Variants in GPR39 observed in about 807,000 individuals in gnomAD.
The protein encoded by GPR39 is G protein-coupled receptor 39.
In GPR39, 23 loss-of-function variants were observed where a neutral mutation model predicts 18.4. The observed-to-expected ratio is 1.25, with a 90% CI of 0.90 to 1.77. The LOEUF is 1.77. Among genes scored for constraint, GPR39 ranks in the 40% most tolerant of loss-of-function variants. The probability of loss-of-function intolerance (pLI) is 0.00; values close to 1 mark genes in which losing one functional copy is unlikely to be tolerated. For missense variants in GPR39, 647 were observed against 602.4 expected (o/e 1.07, Z -0.78); for synonymous variants, 280 against 257.9 (o/e 1.09, Z -0.82).
chr2:132,537,268 G>A (rs772465636), intron 1 of GPR39, among the ~76,000 whole-genome samples: 1 of 152,120 alleles, frequency 6.6e-6, no homozygotes, highest in Non-Finnish European at 1.5e-5. Flanking sequence ...GTCCTGTGGT[G>A]ACTAAATCCC....
At chr2:132,574,960 G>A (rs1465549631) in intron 1 of GPR39, among the ~76,000 whole-genome samples, 2 of 152,128 alleles carry the variant, frequency 1.3e-5, no homozygotes, top group Non-Finnish European at 2.9e-5. Flanking sequence ...CCTCCTGAAA[G>A]CACCCATTAT....
chr2:132,499,773 G>T (rs576425665), intron 1 of GPR39, among the ~76,000 whole-genome samples: 1 of 152,154 alleles, frequency 6.6e-6, no homozygotes, highest in South Asian at 2.1e-4. Context: ...CCTTGTAGAA[G>T]ACTTTGATGT....
intron 1 of GPR39, among the ~76,000 whole-genome samples, chr2:132,616,214 T>C (rs1681331867): frequency 1.3e-5 from 2 of 152,164 alleles, no homozygotes; most frequent in African/African-American, 2.4e-5. Context: ...CCTGTGAGGT[T>C]GGTTGGTATC....
At chr2:132,576,899 T>A (rs1332962198) in intron 1 of GPR39, among the ~76,000 whole-genome samples, 2 of 152,214 alleles carry the variant, frequency 1.3e-5, no homozygotes, top group Non-Finnish European at 2.9e-5. Flanking sequence ...TTGTTTGGCA[T>A]GCTTATCAAA....
chr2:132,569,411 G>C (rs1484119686), intron 1 of GPR39, among the ~76,000 whole-genome samples: 1 of 152,074 alleles, frequency 6.6e-6, no homozygotes, highest in Admixed American at 6.6e-5. Context: ...TGATGGATGC[G>C]TGGAGCCCAC....
At chr2:132,621,572 G>C (rs932992612) in intron 1 of GPR39, among the ~76,000 whole-genome samples, 2 of 152,200 alleles carry the variant, frequency 1.3e-5, no homozygotes, top group African/African-American at 4.8e-5. Context: ...TCACCTACAG[G>C]CCTGGGCAAA....
intron 1 of GPR39, among the ~76,000 whole-genome samples, chr2:132,572,038 G>A (rs981159946): frequency 5.3e-5 from 8 of 152,098 alleles, no homozygotes; most frequent in African/African-American, 1.9e-4. Context: ...CTGTGGTCTG[G>A]GACTCTCCCA....
chr2:132,484,460 A>G (rs1211790903), intron 1 of GPR39, among the ~76,000 whole-genome samples: 1 of 152,224 alleles, frequency 6.6e-6, no homozygotes, highest in Non-Finnish European at 1.5e-5. Flanking sequence ...CCATGCAGGC[A>G]TTTGCCAGAT....
intron 1 of GPR39, among the ~76,000 whole-genome samples, chr2:132,553,205 G>A (rs902609571): frequency 6.6e-6 from 1 of 151,228 alleles, no homozygotes; most frequent in Non-Finnish European, 1.5e-5. Flanking sequence ...GAGCCACCAC[G>A]CCCAGCCACA....
chr2:132,623,117 A>T (rs1490716762), intron 1 of GPR39, among the ~76,000 whole-genome samples: 1 of 152,114 alleles, frequency 6.6e-6, no homozygotes, highest in Non-Finnish European at 1.5e-5. Context: ...GTCTCAAATA[A>T]ATAAATAAGA....
intron 1 of GPR39, among the ~76,000 whole-genome samples, chr2:132,458,754 G>A (rs1680781361): frequency 6.6e-6 from 1 of 151,902 alleles, no homozygotes; most frequent in African/African-American, 2.4e-5. Context: ...GAACCACATT[G>A]CATTCAAGGA....
At chr2:132,569,875 C>T (rs1680412606) in intron 1 of GPR39, among the ~76,000 whole-genome samples, 1 of 152,206 alleles carries the variant, frequency 6.6e-6, no homozygotes, top group South Asian at 2.1e-4. Context: ...GCCCTCTTCT[C>T]TTGTCTGCTG....
At chr2:132,644,512 T>C (rs1224717806) in intron 1 of GPR39, among the ~76,000 whole-genome samples, 20 of 152,278 alleles carry the variant, frequency 1.3e-4, no homozygotes, top group Non-Finnish European at 5.9e-5. Flanking sequence ...ATACCTAGTA[T>C]GTATATGTCC....
At chr2:132,493,357 C>T (rs558829684) in intron 1 of GPR39, among the ~76,000 whole-genome samples, 2 of 143,796 alleles carry the variant, frequency 1.4e-5, no homozygotes, top group Non-Finnish European at 1.5e-5. Context: ...ACACATACCA[C>T]ATATATACAC....
intron 1 of GPR39, among the ~76,000 whole-genome samples, chr2:132,593,201 AC>A (rs1256796689): frequency 6.6e-6 from 1 of 152,168 alleles, no homozygotes; most frequent in East Asian, 1.9e-4. Flanking sequence ...GGGGAAGCTC[AC>A]CTAAGCTTCA....
intron 1 of GPR39, among the ~76,000 whole-genome samples, chr2:132,613,675 AG>A (rs370875832): frequency 5.3e-5 from 8 of 152,080 alleles, no homozygotes; most frequent in African/African-American, 1.9e-4. Flanking sequence ...ATAAAGGTTT[AG>A]CTTATAGTTC....
At chr2:132,562,142 G>A (rs1680265348) in intron 1 of GPR39, among the ~76,000 whole-genome samples, 1 of 151,964 alleles carries the variant, frequency 6.6e-6, no homozygotes, top group Admixed American at 6.6e-5. Flanking sequence ...CTGAGGGTGA[G>A]GCCCAGGCAT....
At chr2:132,557,536 T>G (rs148901170) in intron 1 of GPR39, among the ~76,000 whole-genome samples, 1 of 151,748 alleles carries the variant, frequency 6.6e-6, no homozygotes, top group East Asian at 1.9e-4. Context: ...TCAATTACCA[T>G]AAGAGAAAAG....
chr2:132,505,062 GAT>G (rs200136386), intron 1 of GPR39, among the ~76,000 whole-genome samples: 2,178 of 152,220 alleles, frequency 0.014, 26 homozygotes, highest in Admixed American at 0.03. Context: ...CCTAAAACTG[GAT>G]AATTAAGAAA....
Sources: gnomAD v4.1 joint callset for allele counts (sites outside exome capture counted in the v4.1 genomes callset) on GRCh38, gnomAD v4.1.1 for gene constraint, MANE v1.5 for transcripts, NCBI Gene and HGNC (gene_info 2026-07-23, HGNC 2026-07-21) for gene names.